The following NPFFR2 variants were observed in gnomAD, a reference collection of about 807,000 sequenced individuals.
The protein encoded by NPFFR2 is G-protein coupled receptor 74.
In NPFFR2, 15 loss-of-function variants were observed where a neutral mutation model predicts 13.1. That is an observed-to-expected ratio of 1.15 (90% confidence interval 0.77 to 1.76). NPFFR2 has a LOEUF of 1.76. Among genes scored for constraint, NPFFR2 ranks in the 40% most tolerant of loss-of-function variants. The pLI is 0.00. For synonymous variants in NPFFR2, 190 were observed against 175.7 expected (o/e 1.08, Z -0.65); for missense variants, 572 against 503.5 (o/e 1.14, Z -1.30).
In NPFFR2 at chr4:72,141,936, G is replaced by C. The variant is rs185570269; in HGVS notation, c.428+3797G>C. 4.6e-5 allele frequency among the ~76,000 whole-genome samples: 7 copies of C among 152,120 alleles called. No individual in the cohort carries two copies. The East Asian group carries it at 1.4e-3, about 29-fold the overall frequency. On this transcript the variant is annotated intron_variant, in intron 3 of 3. Coordinates refer to ENST00000308744, the MANE Select transcript of NPFFR2 (RefSeq NM_004885.3). ...TCTAAGGACTTGCTTTATGAATCTGGGTGCTCCTGTATTGGGTGCATATAT... is the reference window on the plus strand; with the variant it reads ...TCTAAGGACTTGCTTTATGAATCTGCGTGCTCCTGTATTGGGTGCATATAT...
At chr4:72,144,194 A>G (rs1722708793) in intron 3 of NPFFR2, among the ~76,000 whole-genome samples, 2 of 110,208 alleles carry the variant, frequency 1.8e-5, no homozygotes. Flanking sequence ...GAACTTGAAT[A>G]TGTGGGGGCC....
At chr4:72,058,382 T>C (rs1187219505) in intron 1 of NPFFR2, among the ~76,000 whole-genome samples, 3 of 112,166 alleles carry the variant, frequency 2.7e-5, no homozygotes, top group South Asian at 6.6e-4. Context: ...TCTGAAATTA[T>C]TTCAAAATAA....
At chr4:72,105,065 G>T (rs1721381787) in intron 1 of NPFFR2, among the ~76,000 whole-genome samples, 1 of 151,116 alleles carries the variant, frequency 6.6e-6, no homozygotes, top group African/African-American at 2.4e-5. Context: ...ATGTATGTAT[G>T]CTTGATATAT....
At chr4:72,079,052 A>G (rs567442511) in intron 1 of NPFFR2, among the ~76,000 whole-genome samples, 75 of 121,184 alleles carry the variant, frequency 6.2e-4, no homozygotes, top group Middle Eastern at 9.0e-3. Flanking sequence ...GCATAGAACT[A>G]AACACACACA....
At chr4:72,033,415 A>G (rs549299670) in intron 1 of NPFFR2, among the ~76,000 whole-genome samples, 1 of 148,688 alleles carries the variant, frequency 6.7e-6, no homozygotes, top group African/African-American at 2.5e-5. Flanking sequence ...TTAAAGGCAC[A>G]TATTAACATT....
chr4:72,137,381 A>G (rs1722451387), intron 2 of NPFFR2, among the ~76,000 whole-genome samples: 1 of 152,188 alleles, frequency 6.6e-6, no homozygotes, highest in African/African-American at 2.4e-5. Context: ...TACTACAATA[A>G]TTTTATTATT....
intron 2 of NPFFR2, among the ~76,000 whole-genome samples, chr4:72,131,572 T>C (rs1560420995): frequency 6.6e-6 from 1 of 152,022 alleles, no homozygotes; most frequent in Non-Finnish European, 1.5e-5. Context: ...AATGTGCACA[T>C]GTACCCTAAA....
At chr4:72,110,430 G>C (rs1030037045) in intron 1 of NPFFR2, among the ~76,000 whole-genome samples, 5 of 151,948 alleles carry the variant, frequency 3.3e-5, no homozygotes, top group African/African-American at 9.7e-5. Flanking sequence ...CCTGTATGCA[G>C]TGATTCCCTT....
At chr4:72,043,328 T>G (rs1474070325) in intron 1 of NPFFR2, among the ~76,000 whole-genome samples, 2 of 152,200 alleles carry the variant, frequency 1.3e-5, no homozygotes, top group Non-Finnish European at 2.9e-5. Context: ...GAGAGAGTCC[T>G]CACTGGGGCA....
At chr4:72,136,356 T>G (rs1330519065) in intron 2 of NPFFR2, among the ~76,000 whole-genome samples, 1 of 152,080 alleles carries the variant, frequency 6.6e-6, no homozygotes, top group Non-Finnish European at 1.5e-5. Context: ...CACTCCACCC[T>G]GTCTCAAAAC....
intron 1 of NPFFR2, among the ~76,000 whole-genome samples, chr4:72,048,430 T>C (rs1330999540): frequency 6.6e-6 from 1 of 152,198 alleles, no homozygotes; most frequent in Non-Finnish European, 1.5e-5. Context: ...AATTGCAATC[T>C]TAATTTTTCT....
chr4:72,056,561 CTTATT>C (rs1719749536), intron 1 of NPFFR2, among the ~76,000 whole-genome samples: 2 of 151,984 alleles, frequency 1.3e-5, no homozygotes. Flanking sequence ...ACTTTCCAGT[CTTATT>C]TAAGAAATAC....
At chr4:72,129,338 G>A (rs1166094631) in intron 2 of NPFFR2, among the ~76,000 whole-genome samples, 1 of 139,220 alleles carries the variant, frequency 7.2e-6, no homozygotes, top group Non-Finnish European at 1.5e-5. Context: ...AAGGGGACCC[G>A]GGGAACCAGC....
At chr4:72,054,363 C>T (rs374285966) in intron 1 of NPFFR2, among the ~76,000 whole-genome samples, 253 of 151,754 alleles carry the variant, frequency 1.7e-3, no homozygotes, top group African/African-American at 5.7e-3. Context: ...GACAATGGAT[C>T]CAAGATAATT....
intron 1 of NPFFR2, among the ~76,000 whole-genome samples, chr4:72,111,781 G>A (rs1721574826): frequency 6.6e-6 from 1 of 151,956 alleles, no homozygotes; most frequent in Non-Finnish European, 1.5e-5. Flanking sequence ...TCCCAATTAT[G>A]CATTCAGCTA....
chr4:72,118,549 ACTC>A (rs1354123642), intron 1 of NPFFR2, among the ~76,000 whole-genome samples: 1 of 152,060 alleles, frequency 6.6e-6, no homozygotes, highest in African/African-American at 2.4e-5. Context: ...AGGCAATTAG[ACTC>A]CAGAGCCTGT....
At chr4:72,098,189 C>A (rs974339679) in intron 1 of NPFFR2, among the ~76,000 whole-genome samples, 2 of 152,116 alleles carry the variant, frequency 1.3e-5, no homozygotes, top group African/African-American at 4.8e-5. Context: ...TTTATGAAAT[C>A]TATGGGATTA....
intron 1 of NPFFR2, among the ~76,000 whole-genome samples, chr4:72,061,022 A>G (rs556759774): frequency 6.6e-6 from 1 of 152,296 alleles, no homozygotes; most frequent in African/African-American, 2.4e-5. Context: ...CAGAGAATAT[A>G]TGCTCACAAA....
chr4:72,056,245 G>T (rs1169144405), intron 1 of NPFFR2, among the ~76,000 whole-genome samples: 3 of 152,028 alleles, frequency 2.0e-5, no homozygotes, highest in Middle Eastern at 6.8e-3. Flanking sequence ...AATGCTCATT[G>T]ATTATTCCAA....
Sources: allele counts gnomAD v4.1 joint callset (sites outside exome capture counted in the v4.1 genomes callset), GRCh38; gene constraint gnomAD v4.1.1; transcripts MANE v1.5; gene names NCBI Gene and HGNC (gene_info 2026-07-23, HGNC 2026-07-21).